SLC25A30: variants seen among roughly 807,000 people sequenced by gnomAD.
The protein encoded by SLC25A30 is solute carrier family 25 member 30.
A neutral mutation model predicts 42.7 loss-of-function variants in SLC25A30; 29 were observed. That is an observed-to-expected ratio of 0.68 (90% CI 0.51 to 0.93). SLC25A30 has a LOEUF of 0.93. SLC25A30 is among the 40% of genes least tolerant of loss of function. The probability of loss-of-function intolerance (pLI) is 0.00; values close to 1 mark genes in which losing one functional copy is unlikely to be tolerated. For synonymous variants in SLC25A30, 124 were observed against 131.0 expected (o/e 0.95, Z 0.37); for missense variants, 300 against 359.7 (o/e 0.83, Z 1.34).
intron 9 of SLC25A30, 197 bp downstream of exon 9, chr13:45,397,061 A>G (rs1348614060): frequency 7.2e-6 from 4 of 552,342 alleles, no homozygotes; most frequent in African/African-American, 1.9e-5. Context: ...TAATACCACC[A>G]TCAAAGCAAG....
the SLC25A30 span, among the ~76,000 whole-genome samples, chr13:45,425,400 G>GTA: frequency 9.3e-6 from 1 of 107,602 alleles, no homozygotes; most frequent in South Asian, 2.6e-4. Flanking sequence ...AAATATATAT[G>GTA]TATATATATA....
chr13:45,422,293 A>T (rs1295147353), upstream of SLC25A30, among the ~76,000 whole-genome samples: 2 of 152,132 alleles, frequency 1.3e-5, no homozygotes, highest in Non-Finnish European at 2.9e-5. Context: ...GCAGAATGAA[A>T]GGGCTTAGTC....
rs749233489 is a variant in SLC25A30, at chr13:45,408,926, C to T, written c.212+1G>A. ...ACAGAAATGCATGAAGGCCTACTCACCCCGAGTAGAGTGCTTTCAGCCCTT... is the reference window on the plus strand; with the variant it reads ...ACAGAAATGCATGAAGGCCTACTCATCCCGAGTAGAGTGCTTTCAGCCCTT... On this transcript the variant is annotated splice_donor_variant, in intron 3 of 9. Transcript: ENST00000519676. LOFTEE classifies it high-confidence loss of function. 1.2e-6 allele frequency: 2 copies of T among 1,606,670 alleles called. No homozygotes were observed. Among genetic ancestry groups the T allele is most frequent in the Admixed American group, 3.4e-5 (2 of 58,668 alleles).
intron 1 of SLC25A30, chr13:45,411,728 G>C: frequency 2.5e-6 from 1 of 400,946 alleles, no homozygotes. Flanking sequence ...CAGCTACTTT[G>C]ATACCTTGGT....
the SLC25A30 span, among the ~76,000 whole-genome samples, chr13:45,430,367 A>G: frequency 6.6e-6 from 1 of 152,244 alleles, no homozygotes; most frequent in African/African-American, 2.4e-5. Context: ...GCAAAAGAAG[A>G]AAAGAAATAA....
the SLC25A30 span, among the ~76,000 whole-genome samples, chr13:45,429,056 CTTTTTT>C: frequency 9.6e-5 from 9 of 93,850 alleles, no homozygotes; most frequent in African/African-American, 4.0e-4. Flanking sequence ...TGTGCAAGCT[CTTTTTT>C]TTTTTTTTTT....
chr13:45,402,160 T>C, intron 6 of SLC25A30, 115 bp downstream of exon 6: 2 of 649,230 alleles, frequency 3.1e-6, no homozygotes, highest in South Asian at 4.5e-5. Flanking sequence ...AAGATGCCAC[T>C]CCTCTTCCCT....
At chr13:45,427,059 G>GA in the SLC25A30 span, among the ~76,000 whole-genome samples, 5 of 151,730 alleles carry the variant, frequency 3.3e-5, no homozygotes, top group Non-Finnish European at 7.4e-5. Flanking sequence ...ATTGGATGAT[G>GA]AAAAAAAATC....
the SLC25A30 span, among the ~76,000 whole-genome samples, chr13:45,424,810 A>G: frequency 4.7e-5 from 3 of 63,264 alleles, 1 homozygote; most frequent in South Asian, 5.1e-4. Context: ...ATATATAAAA[A>G]AATATAAATA....
chr13:45,406,055 G>T, intron 3 of SLC25A30, 78 bp from the exon 4 acceptor site: 2 of 1,295,590 alleles, frequency 1.5e-6, no homozygotes, highest in Non-Finnish European at 2.2e-6. Context: ...CATGCAGAGT[G>T]CCATCCATAA....
the SLC25A30 span, among the ~76,000 whole-genome samples, chr13:45,424,562 AATGTATAAATATATAAAT>A: frequency 6.9e-5 from 2 of 28,848 alleles, no homozygotes; most frequent in Non-Finnish European, 1.6e-4. Flanking sequence ...AATATATATA[AATGTATAAATATATAAAT>A]ATATATAAAT....
intron 5 of SLC25A30, 40 bp from the exon 6 acceptor site, chr13:45,402,410 C>A: frequency 6.6e-7 from 1 of 1,506,328 alleles, no homozygotes; most frequent in Non-Finnish European, 9.2e-7. Context: ...AAAGAAACTA[C>A]CACAATCCCA....
intron 1 of SLC25A30, among the ~76,000 whole-genome samples, chr13:45,412,189 G>A (rs1027924593): frequency 3.3e-5 from 5 of 151,558 alleles, no homozygotes; most frequent in Non-Finnish European, 7.4e-5. Context: ...GCACAAACAT[G>A]GCTCACCGTA....
intron 3 of SLC25A30, among the ~76,000 whole-genome samples, chr13:45,407,472 A>C (rs1882627060): frequency 6.6e-6 from 1 of 152,010 alleles, no homozygotes; most frequent in Non-Finnish European, 1.5e-5. Context: ...CAATGAGAGG[A>C]TCACTTGAGC....
intron 9 of SLC25A30, chr13:45,396,562 A>G (rs1881352673): frequency 6.2e-6 from 1 of 161,480 alleles, no homozygotes; most frequent in African/African-American, 2.4e-5. Context: ...ACTTGAGGTC[A>G]GGAGTTTGAG....
chr13:45,414,635 TACACAC>T (rs145462442), intron 1 of SLC25A30, among the ~76,000 whole-genome samples: 1,830 of 139,998 alleles, frequency 0.013, 16 homozygotes, highest in African/African-American at 0.018. Context: ...CACACACACA[TACACAC>T]ACACACACAC....
At position 45,394,075 on chromosome 13, in the gene SLC25A30, A is replaced by T; in HGVS notation, c.*1899T>A. On this transcript the variant is annotated 3_prime_UTR_variant, in exon 10 of 10. Coordinates refer to ENST00000519676, the MANE Select transcript of SLC25A30 (RefSeq NM_001010875.4). ...AGCCTCTCTATAGAAAGTCTTTATA[A>T]AATCAATGGAATGTTTTGGAAAGAA... The T allele has an allele frequency of 2.0e-6, 2 of 985,446 alleles. No homozygotes were observed. Among genetic ancestry groups the T allele is most frequent in the Non-Finnish European group, 2.4e-6 (2 of 829,926 alleles). 61.0% of individuals were successfully genotyped at this position (985,446 alleles called of 1,614,324 possible). A position where few individuals can be genotyped will look rare whatever the true frequency, so the allele number is the denominator to read the frequency against.
At chr13:45,424,686 G>GAA in the SLC25A30 span, among the ~76,000 whole-genome samples, 2 of 34,114 alleles carry the variant, frequency 5.9e-5, no homozygotes, top group African/African-American at 2.6e-4. Context: ...GTTATATATA[G>GAA]ATATATATAA....
At chr13:45,423,741 AATATATAAAT>A in the SLC25A30 span, among the ~76,000 whole-genome samples, 2 of 19,640 alleles carry the variant, frequency 1.0e-4, no homozygotes, top group African/African-American at 6.2e-4. Flanking sequence ...AATATATATA[AATATATAAAT>A]ATATATAAAT....
Sources: gnomAD v4.1 joint callset for allele counts (sites outside exome capture counted in the v4.1 genomes callset) on GRCh38, gnomAD v4.1.1 for gene constraint, MANE v1.5 for transcripts, NCBI Gene and HGNC (gene_info 2026-07-23, HGNC 2026-07-21) for gene names.